PTPRM: variants seen among roughly 807,000 people sequenced by gnomAD.
The protein encoded by PTPRM is receptor-type tyrosine-protein phosphatase mu.
Under a neutral mutation model 186.7 loss-of-function variants are expected in PTPRM, and 47 were observed. That is an observed-to-expected ratio of 0.25 (90% confidence interval 0.20 to 0.32). The LOEUF is 0.32. Among genes scored for constraint, PTPRM ranks in the 10% least tolerant of loss-of-function variants. The pLI is 1.00. For missense variants in PTPRM, 1,494 were observed against 1,865.0 expected (o/e 0.80, Z 3.66); for synonymous variants, 668 against 674.9 (o/e 0.99, Z 0.16).
intron 14 of PTPRM, among the ~76,000 whole-genome samples, chr18:8,172,697 G>A (rs370431455): frequency 3.2e-4 from 42 of 132,736 alleles, no homozygotes; most frequent in South Asian, 8.0e-4. Context: ...GTAAACACAA[G>A]AAAAAAAAAA....
At chr18:7,574,066 CCT>C (rs1383987733) in intron 1 of PTPRM, among the ~76,000 whole-genome samples, 2 of 152,144 alleles carry the variant, frequency 1.3e-5, no homozygotes, top group African/African-American at 4.8e-5. Context: ...ATTGGAGAAC[CCT>C]TGTTCTAAAA....
At chr18:7,939,790 C>T (rs550600193) in intron 5 of PTPRM, among the ~76,000 whole-genome samples, 32 of 152,252 alleles carry the variant, frequency 2.1e-4, no homozygotes, top group Admixed American at 7.8e-4. Flanking sequence ...AAGAACAGTG[C>T]GATGCCCATC....
intron 23 of PTPRM, among the ~76,000 whole-genome samples, chr18:8,351,411 A>T (rs1226537568): frequency 6.6e-6 from 1 of 152,216 alleles, no homozygotes; most frequent in African/African-American, 2.4e-5. Flanking sequence ...GTGTCACGGG[A>T]TTACTGTAAG....
At chr18:7,651,246 C>T (rs2038695819) in intron 1 of PTPRM, among the ~76,000 whole-genome samples, 1 of 152,062 alleles carries the variant, frequency 6.6e-6, no homozygotes, top group Admixed American at 6.6e-5. Flanking sequence ...GCCCATGTGA[C>T]CAGGCTTCAC....
Position 7,955,377 on chromosome 18 carries a change from T to G in PTPRM, c.1095T>G (p.Ser365=), listed in dbSNP as rs980338364. ...GGCCAGGGGAGGGTGGCACTGGCTC[T>G]CCTGGTCCAGCTCTCAGGACAAGAA... ...LTRPGEGGTG[S]PGPALRTRTK... The change falls in exon 7 of 33, where the codon TCT becomes TCG. Residue 365 remains serine (S), a synonymous_variant. Coordinates refer to ENST00000580170, the MANE Select transcript of PTPRM (RefSeq NM_001105244.2). 1.9e-6 allele frequency: 3 copies of G among 1,614,010 alleles called. No homozygotes were observed. The highest frequency in any genetic ancestry group is 2.5e-6 in the Non-Finnish European group (3 of 1,179,922).
intron 1 of PTPRM, among the ~76,000 whole-genome samples, chr18:7,714,181 T>C (rs1034236637): frequency 5.3e-5 from 8 of 152,112 alleles, no homozygotes; most frequent in African/African-American, 1.9e-4. Context: ...CAGACCACAG[T>C]GCAATCAAAT....
In PTPRM at chr18:7,710,529, A is replaced by G. The variant is rs146670891; in HGVS notation, c.74-63620A>G. ...TTCGCCACTCCTATTCAACACAGTAATGGAAGTCCTAGCCAGAGCAGTTAA... is the reference window on the plus strand; with the variant it reads ...TTCGCCACTCCTATTCAACACAGTAGTGGAAGTCCTAGCCAGAGCAGTTAA... On this transcript the variant is annotated intron_variant, in intron 1 of 32. Coordinates refer to ENST00000580170, the MANE Select transcript of PTPRM (RefSeq NM_001105244.2). Among the ~76,000 whole-genome samples the G allele has an allele frequency of 8.5e-5, 13 of 152,286 alleles. No individual in the cohort carries two copies. In the East Asian group the frequency reaches 2.5e-3, roughly 29 times the overall value.
intron 14 of PTPRM, among the ~76,000 whole-genome samples, chr18:8,170,737 C>T (rs2093387918): frequency 6.6e-6 from 1 of 152,052 alleles, no homozygotes. Context: ...TTTGTCTGGC[C>T]CTGGCATTAT....
chr18:8,032,977 A>G (rs1161124578), intron 7 of PTPRM, among the ~76,000 whole-genome samples: 2 of 152,178 alleles, frequency 1.3e-5, no homozygotes, highest in African/African-American at 2.4e-5. Flanking sequence ...AGTTTTGAGC[A>G]TTGAAAAGCC....
In PTPRM at chr18:7,607,810, C is replaced by A. The variant is rs186053974; in HGVS notation, c.73+39919C>A. Among the ~76,000 whole-genome samples the A allele has an allele frequency of 2.7e-3, 415 of 152,358 alleles. 11 individuals carry two copies. In the East Asian group the frequency reaches 0.073, roughly 27 times the overall value. The stretch of plus-strand genomic sequence containing the variant: ...GCTCTGCCTTCCTCGGAGCACTGCT[C>A]ATCCTCTCTTCGTATATCAAAGCCC... On this transcript the variant is annotated intron_variant, in intron 1 of 32. Transcript: ENST00000580170.
chr18:8,264,155 A>G (rs561945895), intron 19 of PTPRM, among the ~76,000 whole-genome samples: 1 of 152,296 alleles, frequency 6.6e-6, no homozygotes, highest in South Asian at 2.1e-4. Flanking sequence ...AAAATCCTGC[A>G]CGTCTGATGA....
At chr18:8,317,817 C>A (rs1229540839) in intron 21 of PTPRM, among the ~76,000 whole-genome samples, 1 of 152,170 alleles carries the variant, frequency 6.6e-6, no homozygotes, top group Non-Finnish European at 1.5e-5. Context: ...GGTGACTTCA[C>A]CATCAGATGA....
intron 11 of PTPRM, among the ~76,000 whole-genome samples, chr18:8,108,409 T>C (rs915098369): frequency 1.3e-5 from 2 of 152,172 alleles, no homozygotes; most frequent in Non-Finnish European, 2.9e-5. Flanking sequence ...TATTATCCAA[T>C]TGGTAACCCT....
chr18:7,811,533 T>A (rs1190905840), intron 2 of PTPRM, among the ~76,000 whole-genome samples: 1 of 152,178 alleles, frequency 6.6e-6, no homozygotes, highest in Non-Finnish European at 1.5e-5. Context: ...CATTTTTTTA[T>A]TTTTTTATTT....
At chr18:7,871,119 T>G (rs1383322830) in intron 2 of PTPRM, among the ~76,000 whole-genome samples, 1 of 152,258 alleles carries the variant, frequency 6.6e-6, no homozygotes, top group Non-Finnish European at 1.5e-5. Flanking sequence ...AAAGCCATAA[T>G]GTGATTCCCA....
Position 7,695,077 on chromosome 18 carries a change from A to G in PTPRM, c.74-79072A>G, listed in dbSNP as rs2039815284. On this transcript the variant is annotated intron_variant, in intron 1 of 32. Transcript: ENST00000580170. ...GAGGTTTAGAGTGTGATTTACTGATACTGTGTAACTGCTCAGTCGCAAAGT... is the reference window on the plus strand; with the variant it reads ...GAGGTTTAGAGTGTGATTTACTGATGCTGTGTAACTGCTCAGTCGCAAAGT... Among the ~76,000 whole-genome samples the G allele has an allele frequency of 2.6e-5, 4 of 152,128 alleles. No homozygotes were observed. In the South Asian group the frequency reaches 8.3e-4, roughly 31 times the overall value.
intron 4 of PTPRM, among the ~76,000 whole-genome samples, chr18:7,918,194 A>G (rs140200317): frequency 1.3e-5 from 2 of 152,320 alleles, no homozygotes; most frequent in East Asian, 3.9e-4. Flanking sequence ...GTGCTGCAAT[A>G]AACATAGGAG....
chr18:7,972,577 T>C (rs1005990908), intron 7 of PTPRM, among the ~76,000 whole-genome samples: 1 of 149,122 alleles, frequency 6.7e-6, no homozygotes, highest in African/African-American at 2.5e-5. Flanking sequence ...TGAAAAAATA[T>C]ACATATTAAA....
intron 2 of PTPRM, among the ~76,000 whole-genome samples, chr18:7,789,551 G>T (rs2043240145): frequency 1.3e-5 from 2 of 149,732 alleles, no homozygotes; most frequent in Admixed American, 1.3e-4. Context: ...ACCCATTATG[G>T]TGGTTTTTGA....
Sources: allele counts gnomAD v4.1 joint callset (sites outside exome capture counted in the v4.1 genomes callset), GRCh38; gene constraint gnomAD v4.1.1; transcripts MANE v1.5; gene names NCBI Gene and HGNC (gene_info 2026-07-23, HGNC 2026-07-21).